Variants in JAG1 observed in about 807,000 individuals in gnomAD.
The protein encoded by JAG1 is jagged canonical Notch ligand 1.
Under a neutral mutation model 148.7 loss-of-function variants are expected in JAG1, and 23 were observed. That is an observed-to-expected ratio of 0.15 (90% CI 0.11 to 0.22). JAG1 has a LOEUF of 0.22. JAG1 is among the 10% of genes least tolerant of loss of function. The probability of loss-of-function intolerance (pLI) is 1.00; values close to 1 mark genes in which losing one functional copy is unlikely to be tolerated. For missense variants in JAG1, 1,054 were observed against 1,611.2 expected, an observed-to-expected ratio of 0.65 and a Z score of 5.92; for synonymous variants, 572 against 598.3, an observed-to-expected ratio of 0.96 and a Z score of 0.64.
intron 11 of JAG1, 40 bp from the exon 12 acceptor site, chr20:10,648,762 T>G: frequency 6.3e-7 from 1 of 1,587,704 alleles, no homozygotes; most frequent in Non-Finnish European, 8.6e-7. Flanking sequence ...CATGCTTTTT[T>G]TCTATGTATT....
At chr20:10,647,387 T>A in intron 13 of JAG1, 2 of 508,364 alleles carry the variant, frequency 3.9e-6, no homozygotes, top group South Asian at 4.1e-5. Context: ...CTACCCAATT[T>A]GGTAAACACT....
chr20:10,658,593 T>C lies in JAG1; in HGVS notation c.569A>G (p.Tyr190Cys). The C allele has an allele frequency of 1.2e-6, 2 of 1,614,236 alleles. No homozygotes were observed. The highest frequency in any genetic ancestry group is 8.5e-7 in the Non-Finnish European group (1 of 1,180,046). Residue 190 changes from tyrosine to cysteine, a missense_variant, in exon 4 of 26, where the codon TAC becomes TGC. Tyr to Cys is a radical substitution (Grantham distance 194, BLOSUM62 -2). Around this residue, in one of 6 missense-constraint regions of JAG1, gnomAD observed 104 missense variants for 235.2 expected, o/e 0.44. Transcript: ENST00000254958. ...EYQIRVTCDDYYYGFGCNKFC... is the reference protein window; with the variant it reads ...EYQIRVTCDDCYYGFGCNKFC... ...CTTATTGCAGCCAAAGCCATAGTAGTAGTCATCACAGGTCACGCGGATCTG... is the reference window on the plus strand; with the variant it reads ...CTTATTGCAGCCAAAGCCATAGTAGCAGTCATCACAGGTCACGCGGATCTG...
intron 8 of JAG1, chr20:10,651,344 G>A (rs970764876): frequency 3.3e-5 from 16 of 484,388 alleles, no homozygotes; most frequent in African/African-American, 7.7e-5. Context: ...AGGAACAAGC[G>A]ATTCCACGAG....
intron 3 of JAG1, among the ~76,000 whole-genome samples, chr20:10,663,732 G>A (rs770855566): frequency 2.0e-5 from 3 of 152,132 alleles, no homozygotes; most frequent in Non-Finnish European, 4.4e-5. Flanking sequence ...TCATAATCAG[G>A]GAATGAGTTA....
At position 10,648,069 on chromosome 20, in the gene JAG1, A is replaced by C. The variant is rs1600183478; in HGVS notation, c.1611T>G (p.Gly537=). Residue 537 remains glycine (G), a synonymous_variant, in exon 13 of 26, where the codon GGT becomes GGG. Transcript: ENST00000254958. The part of the protein sequence containing the change: ...DYCEPNPCQN[G]AQCYNRASDY... ...CACTGGCACGGTTGTAGCACTGGGC[A>C]CCGTTCTGGCAGGGATTAGGCTCAC... 1 of 1,614,172 alleles carries C rather than the reference A, an allele frequency of 6.2e-7. No individual in the cohort carries two copies. Among genetic ancestry groups the C allele is most frequent in the Middle Eastern group, 1.6e-4 (1 of 6,062 alleles).
intron 2 of JAG1, among the ~76,000 whole-genome samples, chr20:10,665,671 G>A (rs999187219): frequency 6.6e-6 from 1 of 152,116 alleles, no homozygotes; most frequent in Admixed American, 6.5e-5. Context: ...TGCTGGTCAC[G>A]TTGAGGCCCA....
At chr20:10,651,922 A>G (rs1434233172) in intron 7 of JAG1, among the ~76,000 whole-genome samples, 1 of 152,204 alleles carries the variant, frequency 6.6e-6, no homozygotes, top group Non-Finnish European at 1.5e-5. Flanking sequence ...GGGTCATTTC[A>G]TCTCCCGCTG....
At chr20:10,650,497 A>T in intron 8 of JAG1, 137 bp from the exon 9 acceptor site, 1 of 681,422 alleles carries the variant, frequency 1.5e-6, no homozygotes. Flanking sequence ...ACAGCAGGAC[A>T]AGTGGGACGG....
intron 2 of JAG1, among the ~76,000 whole-genome samples, chr20:10,672,144 C>A (rs2067500808): frequency 6.6e-6 from 1 of 152,146 alleles, no homozygotes; most frequent in African/African-American, 2.4e-5. Flanking sequence ...GCCCCCGGCC[C>A]TTAAGCCGAA....
chr20:10,640,886 A>C lies in JAG1; in HGVS notation c.3096T>G (p.Thr1032=). The change falls in exon 25 of 26, where the codon ACT becomes ACG. Residue 1032 remains threonine, a synonymous_variant. Coordinates refer to ENST00000254958, the MANE Select transcript of JAG1 (RefSeq NM_000214.3). Reference sequence around the variant, plus strand: ...TACTAACAAGATCGATTATTTTGTCAGTGATTTCCTTGATCGGGTTCCCAT... The same window carrying C: ...TACTAACAAGATCGATTATTTTGTCCGTGATTTCCTTGATCGGGTTCCCAT... The part of the protein sequence containing the change: ...RDDGNPIKEI[T]DKIIDLVSKR... 6.2e-7 allele frequency: 1 copy of C among 1,614,200 alleles called. No homozygotes were observed.
intron 2 of JAG1, among the ~76,000 whole-genome samples, chr20:10,669,013 G>A (rs2067476288): frequency 7.9e-6 from 1 of 127,078 alleles, no homozygotes; most frequent in East Asian, 2.4e-4. Context: ...AAACACAGAA[G>A]GTTACACCTG....
intron 8 of JAG1, chr20:10,651,340 A>C (rs1056282834): frequency 2.0e-6 from 1 of 489,606 alleles, no homozygotes; most frequent in Non-Finnish European, 3.7e-6. Flanking sequence ...GCAAAGGAAC[A>C]AGCGATTCCA....
intron 18 of JAG1, 33 bp downstream of exon 18, chr20:10,644,830 C>G: frequency 6.7e-7 from 1 of 1,486,112 alleles, no homozygotes; most frequent in South Asian, 1.1e-5. Context: ...GCTCCGACAG[C>G]CCTGGGAGAG....
At position 10,645,444 on chromosome 20, in the gene JAG1, G is replaced by C; in HGVS notation, c.2025C>G (p.Pro675=). Residue 675 remains proline (P), a synonymous_variant, in exon 16 of 26, where the codon CCC becomes CCG. Transcript: ENST00000254958. The surrounding 1 kb of genome is among the most constrained non-coding windows in gnomAD (Gnocchi z 6.1). ...ETNINDCSQN[P]CHNGGTCRDL... ...CGCGACACGTGCCCCCATTGTGGCA[G>C]GGGTTCTGGCTGCAGTCATTAATAT... The C allele has an allele frequency of 6.2e-7, 1 of 1,614,082 alleles. No individual in the cohort carries two copies. The highest frequency in any genetic ancestry group is 8.5e-7 in the Non-Finnish European group (1 of 1,179,948).
intron 2 of JAG1, among the ~76,000 whole-genome samples, chr20:10,670,313 T>C (rs1383108105): frequency 1.3e-5 from 2 of 152,232 alleles, no homozygotes; most frequent in African/African-American, 2.4e-5. Flanking sequence ...GGAGGACTCA[T>C]GCAAATGGTA....
At chr20:10,660,232 G>A (rs2067406662) in intron 3 of JAG1, among the ~76,000 whole-genome samples, 1 of 152,164 alleles carries the variant, frequency 6.6e-6, no homozygotes, top group African/African-American at 2.4e-5. Flanking sequence ...GCCCTCTAGG[G>A]CTCTCAAACT....
intron 2 of JAG1, among the ~76,000 whole-genome samples, chr20:10,665,349 G>A (rs1009882086): frequency 6.6e-6 from 1 of 152,172 alleles, no homozygotes; most frequent in African/African-American, 2.4e-5. Context: ...AAGCAGAGTA[G>A]GATTCCATTT....
Position 10,642,946 on chromosome 20 carries a change from G to A in JAG1, c.2459-345C>T, listed in dbSNP as rs114221614. Among the ~76,000 whole-genome samples the A allele has an allele frequency of 0.014, 2,203 of 152,368 alleles. 64 individuals carry two copies. The highest frequency in any genetic ancestry group is 0.049 in the African/African-American group (2,051 of 41,588). ...AGGCTTTGTGGGGTATATAGTCTCTGTCACAACTATCCAACTCTTGTGGTA... is the reference window on the plus strand; with the variant it reads ...AGGCTTTGTGGGGTATATAGTCTCTATCACAACTATCCAACTCTTGTGGTA... On this transcript the variant is annotated intron_variant, in intron 20 of 25. Transcript: ENST00000254958.
rs1568792178 is a variant in JAG1 at position 10,641,676 on chromosome 20, T to A, written c.2700A>T (p.Arg900=). The A allele has an allele frequency of 6.2e-7, 1 of 1,613,796 alleles. No individual in the cohort carries two copies. Among genetic ancestry groups the A allele is most frequent in the South Asian group, 1.1e-5 (1 of 91,082 alleles). The stretch of plus-strand genomic sequence containing the variant: ...TGTGCCCTTTGTGGAGCAGGCAAGG[T>A]CGAGGGCCACACCAGACCTGGAGAA... ...IACSKVWCGP[R]PCLLHKGHSE... is the part of the protein sequence containing the mutation. Residue 900 remains arginine (R), a synonymous_variant, in exon 23 of 26, where the codon CGA becomes CGT. Transcript: ENST00000254958.
Sources: allele counts gnomAD v4.1 joint callset (sites outside exome capture counted in the v4.1 genomes callset), GRCh38; gene constraint gnomAD v4.1.1; regional missense constraint gnomAD v4.1.1; non-coding constraint Gnocchi (gnomAD v3.1); transcripts MANE v1.5; gene names NCBI Gene and HGNC (gene_info 2026-07-23, HGNC 2026-07-21).